LRMDA: variants seen among roughly 807,000 people sequenced by gnomAD.
LRMDA encodes the protein leucine-rich melanocyte differentiation-associated protein.
LRMDA carries 18 observed loss-of-function variants against 29.8 expected under a neutral mutation model. The ratio of observed to expected loss-of-function variants is 0.60; its 90% CI spans 0.42 to 0.90. The LOEUF (loss-of-function observed/expected upper bound fraction) is 0.90. Among genes scored for constraint, LRMDA ranks in the 40% least tolerant of loss-of-function variants. LRMDA has a pLI of 0.00. For missense variants in LRMDA, 273 were observed against 273.9 expected (o/e 1.00, Z 0.02); for synonymous variants, 125 against 109.4 (o/e 1.14, Z -0.89).
intron 6 of LRMDA, among the ~76,000 whole-genome samples, chr10:76,367,893 T>A (rs1841410603): frequency 6.6e-6 from 1 of 152,128 alleles, no homozygotes; most frequent in African/African-American, 2.4e-5. Context: ...TACATAAAGG[T>A]GTTCATAGTA....
At chr10:75,557,413 A>G (rs2083633878) in intron 2 of LRMDA, among the ~76,000 whole-genome samples, 1 of 152,200 alleles carries the variant, frequency 6.6e-6, no homozygotes, top group Non-Finnish European at 1.5e-5. Flanking sequence ...AAATGAGACC[A>G]ATAAAGCCTG....
intron 2 of LRMDA, among the ~76,000 whole-genome samples, chr10:76,005,774 C>CA (rs1200780926): frequency 6.6e-6 from 1 of 151,870 alleles, no homozygotes; most frequent in African/African-American, 2.4e-5. Flanking sequence ...ACTAAAAATA[C>CA]AAAAAATTAG....
chr10:75,664,749 T>C (rs150199434), intron 2 of LRMDA, among the ~76,000 whole-genome samples: 82 of 152,310 alleles, frequency 5.4e-4, no homozygotes, highest in African/African-American at 1.8e-3. Context: ...TGAAAAAGAT[T>C]GAAGGCATGG....
intron 2 of LRMDA, among the ~76,000 whole-genome samples, chr10:76,021,513 C>T (rs1332928165): frequency 6.6e-6 from 1 of 152,178 alleles, no homozygotes; most frequent in Admixed American, 6.5e-5. Context: ...CACCCAGAGG[C>T]CTGTCCTAAC....
intron 5 of LRMDA, among the ~76,000 whole-genome samples, chr10:76,128,593 CTGATGGAGA>C (rs1849929754): frequency 1.3e-5 from 2 of 152,180 alleles, no homozygotes; most frequent in South Asian, 4.1e-4. Context: ...CTTGGCTTTA[CTGATGGAGA>C]TGATGGATGT....
At chr10:75,767,044 T>G (rs962922112) in intron 2 of LRMDA, among the ~76,000 whole-genome samples, 1 of 152,256 alleles carries the variant, frequency 6.6e-6, no homozygotes, top group African/African-American at 2.4e-5. Context: ...AGTCTATTAT[T>G]GATGGGCATT....
At position 75,929,424 on chromosome 10, in the gene LRMDA, G is replaced by C. The variant is rs1292333843; in HGVS notation, c.132-106584G>C. ...GCCATACCATCGTTGGCCAACTGTT[G>C]TCTCATTTATGCCAGCCATCACCTT... On this transcript the variant is annotated intron_variant, in intron 2 of 6. Transcript: ENST00000611255. 2.0e-5 allele frequency among the ~76,000 whole-genome samples: 3 copies of C among 152,218 alleles called. No individual in the cohort carries two copies. In the East Asian group the frequency reaches 5.8e-4, roughly 29 times the overall value.
At chr10:75,656,399 A>T (rs188669442) in intron 2 of LRMDA, among the ~76,000 whole-genome samples, 21 of 152,320 alleles carry the variant, frequency 1.4e-4, no homozygotes, top group Non-Finnish European at 4.4e-5. Flanking sequence ...CTATGATTCC[A>T]TTCTATGAAT....
intron 5 of LRMDA, among the ~76,000 whole-genome samples, chr10:76,232,176 A>G (rs921159827): frequency 6.6e-6 from 1 of 152,196 alleles, no homozygotes; most frequent in Non-Finnish European, 1.5e-5. Flanking sequence ...AAGTGATATG[A>G]TTTAAAATAA....
intron 2 of LRMDA, among the ~76,000 whole-genome samples, chr10:75,556,030 G>A (rs568811377): frequency 5.9e-5 from 9 of 152,234 alleles, no homozygotes; most frequent in South Asian, 4.1e-4. Context: ...TGTGAACAGG[G>A]ATGCAGGGAT....
chr10:75,943,861 G>GTGGT (rs1456739238), intron 2 of LRMDA, among the ~76,000 whole-genome samples: 1 of 152,172 alleles, frequency 6.6e-6, no homozygotes, highest in Non-Finnish European at 1.5e-5. Context: ...CATGCTGCAT[G>GTGGT]TGGTTGTATG....
chr10:76,447,625 C>A (rs1345963785), intron 6 of LRMDA, among the ~76,000 whole-genome samples: 1 of 152,150 alleles, frequency 6.6e-6, no homozygotes, highest in Admixed American at 6.6e-5. Flanking sequence ...CAGTACTTAG[C>A]AGCTTGTCAC....
At chr10:75,702,291 A>G (rs1452752555) in intron 2 of LRMDA, among the ~76,000 whole-genome samples, 1 of 152,218 alleles carries the variant, frequency 6.6e-6, no homozygotes, top group African/African-American at 2.4e-5. Context: ...ACCTGGGCAC[A>G]TGATAAGTGC....
chr10:76,095,647 A>G (rs567816529), intron 5 of LRMDA, among the ~76,000 whole-genome samples: 100 of 152,336 alleles, frequency 6.6e-4, no homozygotes, highest in African/African-American at 2.3e-3. Flanking sequence ...CTCACTTGCT[A>G]TATATAACTT....
chr10:76,423,372 C>T (rs991800724), intron 6 of LRMDA, among the ~76,000 whole-genome samples: 1 of 152,054 alleles, frequency 6.6e-6, no homozygotes, highest in African/African-American at 2.4e-5. Context: ...CCAGCCTAGG[C>T]AACAGAGTGA....
At chr10:76,483,935 T>C (rs1842756919) in intron 6 of LRMDA, among the ~76,000 whole-genome samples, 1 of 151,920 alleles carries the variant, frequency 6.6e-6, no homozygotes, top group Non-Finnish European at 1.5e-5. Flanking sequence ...TTTACCTCTC[T>C]TTCTACTAAT....
Position 76,047,154 on chromosome 10 carries a change from C to A in LRMDA, c.259-10C>A, listed in dbSNP as rs1473353179. On this transcript the variant is annotated splice_polypyrimidine_tract_variant and intron_variant, in intron 3 of 6. Transcript: ENST00000611255. ...TGTCTTACTGGACCAAGATTCTTAA[C>A]CTTTGTCACATCACTGATTTGGAGA... The A allele has an allele frequency of 6.2e-7, 1 of 1,613,724 alleles. No homozygotes were observed. The highest frequency in any genetic ancestry group is 8.5e-7 in the Non-Finnish European group (1 of 1,179,872).
Position 75,665,007 on chromosome 10 carries a change from C to A in LRMDA, c.131+226513C>A, listed in dbSNP as rs557083719. On this transcript the variant is annotated intron_variant, in intron 2 of 6. Coordinates refer to ENST00000611255, the MANE Select transcript of LRMDA (RefSeq NM_001305581.2). ...TTGAGACTCAGAAGAGGTTCAGTGACTTTCCCTGGCCCATCCAACTACTAC... is the reference window on the plus strand; with the variant it reads ...TTGAGACTCAGAAGAGGTTCAGTGAATTTCCCTGGCCCATCCAACTACTAC... 2.6e-5 allele frequency among the ~76,000 whole-genome samples: 4 copies of A among 152,310 alleles called. No homozygotes were observed. In the South Asian group the frequency reaches 8.3e-4, roughly 32 times the overall value.
chr10:75,946,284 G>A (rs928397795), intron 2 of LRMDA, among the ~76,000 whole-genome samples: 32 of 152,158 alleles, frequency 2.1e-4, no homozygotes, highest in Admixed American at 2.0e-4. Flanking sequence ...CCAATTCTCC[G>A]CTGTGCCCAT....
Sources: allele counts gnomAD v4.1 joint callset (sites outside exome capture counted in the v4.1 genomes callset), GRCh38; gene constraint gnomAD v4.1.1; transcripts MANE v1.5; gene names NCBI Gene and HGNC (gene_info 2026-07-23, HGNC 2026-07-21).